TXNDC16: variants seen among roughly 807,000 people sequenced by gnomAD.
The protein encoded by TXNDC16 is thioredoxin domain containing 16, also known as thioredoxin domain-containing protein 16.
TXNDC16 carries 74 observed loss-of-function variants against 85.6 expected under a neutral mutation model. That is an observed-to-expected ratio of 0.86 (90% confidence interval 0.72 to 1.05). TXNDC16 has a LOEUF of 1.05. Among genes scored for constraint, TXNDC16 ranks in the 50% least tolerant of loss-of-function variants. The pLI, the probability that TXNDC16 is intolerant of heterozygous loss-of-function variation, is 0.00. For synonymous variants in TXNDC16, 335 were observed against 326.5 expected (o/e 1.03, Z -0.28); for missense variants, 959 against 947.0 (o/e 1.01, Z -0.17).
intron 16 of TXNDC16, among the ~76,000 whole-genome samples, chr14:52,468,182 A>G (rs1240362714): frequency 1.3e-5 from 2 of 152,220 alleles, no homozygotes; most frequent in African/African-American, 4.8e-5. Flanking sequence ...TTGTACAACA[A>G]TGTGAATATA....
At chr14:52,542,165 A>C (rs1267719725) in intron 4 of TXNDC16, among the ~76,000 whole-genome samples, 3 of 152,194 alleles carry the variant, frequency 2.0e-5, no homozygotes, top group African/African-American at 7.2e-5. Context: ...AAAAATTTTT[A>C]AACAGCTTTT....
At chr14:52,545,863 A>C (rs2037930568) in intron 1 of TXNDC16, among the ~76,000 whole-genome samples, 1 of 152,220 alleles carries the variant, frequency 6.6e-6, no homozygotes, top group African/African-American at 2.4e-5. Context: ...AAAGATCTTA[A>C]CTAAAGGCAA....
chr14:52,452,653 A>G (rs1432764807), intron 18 of TXNDC16, among the ~76,000 whole-genome samples: 3 of 152,202 alleles, frequency 2.0e-5, no homozygotes, highest in Non-Finnish European at 4.4e-5. Flanking sequence ...CTAGGCCCCT[A>G]TCTCTCATCA....
At chr14:52,527,689 G>C (rs997246059) in intron 6 of TXNDC16, among the ~76,000 whole-genome samples, 1 of 152,106 alleles carries the variant, frequency 6.6e-6, no homozygotes, top group East Asian at 1.9e-4. Context: ...TAGGTATGAG[G>C]ATAGCGCTAC....
intron 14 of TXNDC16, among the ~76,000 whole-genome samples, chr14:52,474,274 T>C (rs988129145): frequency 6.6e-6 from 1 of 152,246 alleles, no homozygotes; most frequent in African/African-American, 2.4e-5. Flanking sequence ...TTGAGGAACA[T>C]TATCCAATCA....
At chr14:52,539,307 A>G (rs1471347862) in intron 4 of TXNDC16, among the ~76,000 whole-genome samples, 1 of 152,210 alleles carries the variant, frequency 6.6e-6, no homozygotes, top group Non-Finnish European at 1.5e-5. Context: ...AAGTATACAA[A>G]TAAGTATAAG....
intron 12 of TXNDC16, among the ~76,000 whole-genome samples, chr14:52,488,071 G>T (rs2036310328): frequency 6.6e-6 from 1 of 152,164 alleles, no homozygotes; most frequent in Admixed American, 6.5e-5. Flanking sequence ...TTTAAACATG[G>T]ACTAGTCCAG....
chr14:52,511,280 T>C lies in TXNDC16; in HGVS notation c.716A>G (p.Asn239Ser). The C allele has an allele frequency of 1.3e-6, 2 of 1,598,530 alleles. No homozygotes were observed. The highest frequency in any genetic ancestry group is 1.1e-5 in the South Asian group (1 of 88,532). ...TLMEQPLTTL[N>S]IHLFIKTMKA... is the part of the protein sequence containing the mutation. ...CATTGTCTTAATAAACAGGTGAATG[T>C]TCAGTGTAGTCAATGGCTGTTCCAT... The change falls in exon 9 of 21, where the codon AAC becomes AGC. Residue 239 changes from asparagine to serine, a missense_variant. Physicochemically the swap from Asn to Ser is conservative, Grantham distance 46. Transcript: ENST00000281741.
At chr14:52,466,392 CAAAAAAAAAAAA>C (rs35493549) in intron 16 of TXNDC16, among the ~76,000 whole-genome samples, 6 of 56,698 alleles carry the variant, frequency 1.1e-4, no homozygotes, top group Non-Finnish European at 1.6e-4. Flanking sequence ...GACTCTGTCT[CAAAAAAAAAAAA>C]AAAAAAAAAA....
intron 4 of TXNDC16, among the ~76,000 whole-genome samples, chr14:52,540,389 C>T (rs1177391151): frequency 6.6e-6 from 1 of 152,184 alleles, no homozygotes; most frequent in Admixed American, 6.5e-5. Context: ...CTTTGGGAGG[C>T]TGAGGCAGGA....
chr14:52,436,173 C>T (rs2035022309), intron 20 of TXNDC16, among the ~76,000 whole-genome samples: 1 of 152,142 alleles, frequency 6.6e-6, no homozygotes, highest in African/African-American at 2.4e-5. Flanking sequence ...GGCAACCCAA[C>T]TGTCCATCAA....
intron 12 of TXNDC16, among the ~76,000 whole-genome samples, chr14:52,484,526 C>A (rs1203427196): frequency 6.6e-6 from 1 of 152,094 alleles, no homozygotes; most frequent in Non-Finnish European, 1.5e-5. Flanking sequence ...AACATCGTAG[C>A]ACAACACATT....
intron 6 of TXNDC16, among the ~76,000 whole-genome samples, chr14:52,523,533 A>C (rs1460925213): frequency 1.3e-5 from 2 of 152,210 alleles, no homozygotes; most frequent in Non-Finnish European, 2.9e-5. Flanking sequence ...GAGAGAAATA[A>C]ATTACTTTTA....
chr14:52,484,007 T>G (rs1355916193), intron 12 of TXNDC16, among the ~76,000 whole-genome samples: 4 of 152,160 alleles, frequency 2.6e-5, no homozygotes, highest in Non-Finnish European at 5.9e-5. Flanking sequence ...CACAGTGGCA[T>G]GTAAGAGCAT....
Position 52,509,649 on chromosome 14 carries a change from A to T in TXNDC16, c.756+1591T>A, listed in dbSNP as rs1204847854. On this transcript the variant is annotated intron_variant, in intron 9 of 20. Transcript: ENST00000281741. ...CTAAAACTTAAAGTATAATAATAAT[A>T]AAAAAATTAAAAAATGGCAGCACAT... 3.3e-5 allele frequency among the ~76,000 whole-genome samples: 5 copies of T among 151,114 alleles called. No individual in the cohort carries two copies. In the East Asian group the frequency reaches 9.7e-4, roughly 29 times the overall value.
At chr14:52,519,397 A>C in intron 6 of TXNDC16, 104 bp from the exon 7 acceptor site, 1 of 814,758 alleles carries the variant, frequency 1.2e-6, no homozygotes, top group Non-Finnish European at 1.9e-6. Context: ...ATCTCCATTG[A>C]ATAAATTATC....
rs368736397 is a variant in TXNDC16, at chr14:52,549,928, T to C, written c.-182+2388A>G. Among the ~76,000 whole-genome samples the C allele has an allele frequency of 1.9e-4, 29 of 152,162 alleles. 2 individuals are homozygous for C. The highest frequency in any genetic ancestry group is 1.7e-3 in the East Asian group (9 of 5,186). Reference sequence around the variant, plus strand: ...CTGGGATTACAGGCGTGAGCCACCATGCCCGACCCAAACAGTTCTGCTTTT... The same window carrying C: ...CTGGGATTACAGGCGTGAGCCACCACGCCCGACCCAAACAGTTCTGCTTTT... On this transcript the variant is annotated intron_variant, in intron 1 of 20. Coordinates refer to ENST00000281741, the MANE Select transcript of TXNDC16 (RefSeq NM_020784.3).
At chr14:52,495,342 C>CT (rs1385155885) in intron 9 of TXNDC16, among the ~76,000 whole-genome samples, 2 of 152,102 alleles carry the variant, frequency 1.3e-5, no homozygotes, top group African/African-American at 2.4e-5. Flanking sequence ...GCTGCTTAGT[C>CT]TAACAACAAG....
At chr14:52,538,212 A>G (rs540587892) in intron 4 of TXNDC16, among the ~76,000 whole-genome samples, 1 of 152,230 alleles carries the variant, frequency 6.6e-6, no homozygotes, top group Non-Finnish European at 1.5e-5. Flanking sequence ...GCTGACTGAT[A>G]CTTTTGCTCT....
Sources: gnomAD v4.1 joint callset for allele counts (sites outside exome capture counted in the v4.1 genomes callset) on GRCh38, gnomAD v4.1.1 for gene constraint, MANE v1.5 for transcripts, NCBI Gene and HGNC (gene_info 2026-07-23, HGNC 2026-07-21) for gene names.